Variants in SLITRK5 observed in about 807,000 individuals in gnomAD.
The protein encoded by SLITRK5 is SLIT and NTRK like family member 5, also known as SLIT and NTRK-like protein 5.
SLITRK5 carries 23 observed loss-of-function variants against 56.2 expected under a neutral mutation model. That is an observed-to-expected ratio of 0.41 (90% CI 0.29 to 0.58). SLITRK5 has a LOEUF of 0.58. Among genes scored for constraint, SLITRK5 ranks in the 20% least tolerant of loss-of-function variants. The pLI, the probability that SLITRK5 is intolerant of heterozygous loss-of-function variation, is 0.30. For missense variants in SLITRK5, 1,289 were observed against 1,226.6 expected (o/e 1.05, Z -0.76); for synonymous variants, 637 against 531.8 (o/e 1.20, Z -2.72).
At position 87,676,706 on chromosome 13, in the gene SLITRK5, C is replaced by T. The variant is rs1337290107; in HGVS notation, c.1318C>T (p.Leu440=). ...LEATGLDLLH[L]GNNRISMIQD... is the part of the protein sequence containing the mutation. ...GGCCACGGGGCTGGACCTCCTGCAC[C>T]TGGGGAATAACCGCATCTCGATGAT... The change falls in exon 2 of 2, where the codon CTG becomes TTG. Residue 440 remains leucine, a synonymous_variant. Transcript: ENST00000683689. 1 of 1,614,038 alleles carries T rather than the reference C, an allele frequency of 6.2e-7. No homozygotes were observed. Among genetic ancestry groups the T allele is most frequent in the Non-Finnish European group, 8.5e-7 (1 of 1,180,020 alleles).
intron 1 of SLITRK5, 74 bp from the exon 2 acceptor site, chr13:87,675,306 GA>G: frequency 9.5e-7 from 1 of 1,048,162 alleles, no homozygotes. Flanking sequence ...TGTTAAGAAA[GA>G]GAGAGACTTT....
chr13:87,675,422 C>A lies in SLITRK5; in HGVS notation c.34C>A (p.Gln12Lys), dbSNP rs1486843147. ...TTGCTGCCCCCCAGTAACTTTGGAA[C>A]AGGACCTTCACAGAAAAATGCATAG... ...HTCCPPVTLE[Q>K]DLHRKMHSWM... The change falls in exon 2 of 2, where the codon CAG (glutamine) becomes AAG (lysine). Residue 12 changes from glutamine (Q) to lysine (K), a missense_variant. Physicochemically the swap from Gln to Lys is moderately conservative, Grantham distance 53 (BLOSUM62 1). This residue lies in a region of SLITRK5 where 291 missense variants were observed against 286.7 expected (regional missense o/e 1.02). Coordinates refer to ENST00000683689, the MANE Select transcript of SLITRK5 (RefSeq NM_001384609.1). 5 of 1,614,180 alleles carry A rather than the reference C, an allele frequency of 3.1e-6. No individual in the cohort carries two copies. Among genetic ancestry groups the A allele is most frequent in the East Asian group, 2.2e-5 (1 of 44,882 alleles).
rs536374716 is a variant in SLITRK5, at chr13:87,679,140, A to AT, written c.*878dup. ...TTTTCAATCATTCAAAATGTGGAGAATTTAATGGCTAAATCTTTAAAAGCC... is the reference window on the plus strand; with the variant it reads ...TTTTCAATCATTCAAAATGTGGAGAATTTTAATGGCTAAATCTTTAAAAGCC... On this transcript the variant is annotated 3_prime_UTR_variant, in exon 2 of 2. Coordinates refer to ENST00000683689, the MANE Select transcript of SLITRK5 (RefSeq NM_001384609.1). 1.7e-4 allele frequency: 29 copies of AT among 166,896 alleles called. 1 individual carries two copies. The highest frequency in any genetic ancestry group is 3.8e-4 in the Non-Finnish European group (26 of 68,106). 10.3% of individuals were successfully genotyped at this position (166,896 alleles called of 1,614,324 possible).
rs767564737 is a variant in SLITRK5 at position 87,677,431 on chromosome 13, C to T, written c.2043C>T (p.Ala681=). ...TTTTCATCATGTCCGTCTTCGTGGC[C>T]GCCGGGCTCTTCGTGCTGGTCATGA... The part of the protein sequence containing the change: ...LLVFIMSVFV[A]AGLFVLVMKR... Residue 681 remains alanine, a synonymous_variant, in exon 2 of 2, where the codon GCC becomes GCT. Coordinates refer to ENST00000683689, the MANE Select transcript of SLITRK5 (RefSeq NM_001384609.1). This position sits in a 1 kb window ranked among gnomAD's most constrained non-coding sequence, Gnocchi z 4.7. The T allele has an allele frequency of 2.5e-6, 4 of 1,613,396 alleles. No individual in the cohort carries two copies. The South Asian group carries it at 4.4e-5, about 18-fold the overall frequency.
rs769144938 is a variant in SLITRK5, at chr13:87,677,540, G to C, written c.2152G>C (p.Gly718Arg). ...CTTTAACATGCAGTACAGCGTGTAC[G>C]GCGGCGGCGGCGGCACGGGCGGCCA... ...SSFNMQYSVY[G>R]GGGGTGGHPH... Residue 718 changes from glycine (G) to arginine (R), a missense_variant, in exon 2 of 2, where the codon GGC (glycine) becomes CGC (arginine). This residue lies in a region of SLITRK5 where 985 missense variants were observed against 906.0 expected (regional missense o/e 1.09). Transcript: ENST00000683689. This position sits in a 1 kb window ranked among gnomAD's most constrained non-coding sequence, Gnocchi z 4.7. The C allele has an allele frequency of 6.3e-6, 10 of 1,596,556 alleles. No homozygotes were observed. The highest frequency in any genetic ancestry group is 7.7e-6 in the Non-Finnish European group (9 of 1,170,078).
chr13:87,672,191 C>T lies in SLITRK5; in HGVS notation c.-27C>T, dbSNP rs1018375398. 1.3e-5 allele frequency among the ~76,000 whole-genome samples: 2 copies of T among 151,964 alleles called. No individual in the cohort carries two copies. Among genetic ancestry groups the T allele is most frequent in the African/African-American group, 2.4e-5 (1 of 41,396 alleles). ...CACAGCTGGGTCGGAGAAAGTTGCC[C>T]CCTATGCAGATGGCAACTGTGAGTA... On this transcript the variant is annotated 5_prime_UTR_variant, in exon 1 of 2. Coordinates refer to ENST00000683689, the MANE Select transcript of SLITRK5 (RefSeq NM_001384609.1).
In SLITRK5 at chr13:87,678,151, T is replaced by A. The variant is rs1007182391; in HGVS notation, c.2763T>A (p.Ser921Arg). The change falls in exon 2 of 2, where the codon AGT (serine) becomes AGA (arginine). Residue 921 changes from serine to arginine, a missense_variant. Around this residue, in one of 3 missense-constraint regions of SLITRK5, gnomAD observed 985 missense variants for 906.0 expected, o/e 1.09. Coordinates refer to ENST00000683689, the MANE Select transcript of SLITRK5 (RefSeq NM_001384609.1). ...LREPVLYSPP[S>R]AVFVEPNRNE... Reference sequence around the variant, plus strand: ...AACCGGTGCTCTACAGCCCCCCGAGTGCTGTCTTTGTAGAACCCAACCGGA... The same window carrying A: ...AACCGGTGCTCTACAGCCCCCCGAGAGCTGTCTTTGTAGAACCCAACCGGA... 9.3e-6 allele frequency: 15 copies of A among 1,613,984 alleles called. No homozygotes were observed. The highest frequency in any genetic ancestry group is 1.3e-5 in the Non-Finnish European group (15 of 1,180,010).
chr13:87,677,229 A>T lies in SLITRK5; in HGVS notation c.1841A>T (p.Asp614Val). ...ATTAAGTCGGAGCTGCTGTGCCCTG[A>T]CTATTCAGATGTAGTAGTTTCCACG... ...RSIKSELLCPDYSDVVVSTPT... is the reference protein window; with the variant it reads ...RSIKSELLCPVYSDVVVSTPT... The change falls in exon 2 of 2, where the codon GAC (aspartate) becomes GTC (valine). Residue 614 changes from aspartate (D) to valine (V), a missense_variant. By Grantham distance (152) the Asp-to-Val change is radical (BLOSUM62 -3). This residue lies in a region of SLITRK5 where 985 missense variants were observed against 906.0 expected (regional missense o/e 1.09). Transcript: ENST00000683689. This position sits in a 1 kb window ranked among gnomAD's most constrained non-coding sequence, Gnocchi z 4.7. The T allele has an allele frequency of 6.2e-7, 1 of 1,614,122 alleles. No homozygotes were observed. The highest frequency in any genetic ancestry group is 1.3e-5 in the African/African-American group (1 of 75,018).
At chr13:87,674,646 C>G (rs143271372) in intron 1 of SLITRK5, among the ~76,000 whole-genome samples, 140 of 152,216 alleles carry the variant, frequency 9.2e-4, no homozygotes, top group African/African-American at 3.3e-3. Flanking sequence ...TAAGTGGTAC[C>G]GTGCATGCAA....
intron 1 of SLITRK5, 33 bp from the exon 2 acceptor site, chr13:87,675,348 C>G (rs771957283): frequency 7.9e-6 from 12 of 1,520,316 alleles, no homozygotes; most frequent in Non-Finnish European, 1.1e-5. Context: ...TTGTCATATT[C>G]TGTTATTTCC....
At position 87,671,666 on chromosome 13, in the gene SLITRK5, A is replaced by T. The variant is rs1466172621; in HGVS notation, c.-552A>T. On this transcript the variant is annotated 5_prime_UTR_variant, in exon 1 of 2. Transcript: ENST00000683689. The stretch of plus-strand genomic sequence containing the variant: ...AGAAACCCCAAAGGATGTCGGTGAT[A>T]GAGAGTTCCAACTAATGACGATTGT... Among the ~76,000 whole-genome samples the T allele has an allele frequency of 6.6e-6, 1 of 151,826 alleles. No individual in the cohort carries two copies. Among genetic ancestry groups the T allele is most frequent in the Non-Finnish European group, 1.5e-5 (1 of 67,930 alleles).
Position 87,676,028 on chromosome 13 carries a change from C to T in SLITRK5, c.640C>T (p.Leu214Phe). 2.5e-6 allele frequency: 4 copies of T among 1,614,168 alleles called. No individual in the cohort carries two copies. Among genetic ancestry groups the T allele is most frequent in the South Asian group, 1.1e-5 (1 of 91,078 alleles). Residue 214 changes from leucine (L) to phenylalanine (F), a missense_variant, in exon 2 of 2, where the codon CTT becomes TTT. Coordinates refer to ENST00000683689, the MANE Select transcript of SLITRK5 (RefSeq NM_001384609.1). ...GGACCTCCGGGGGAACCGGCTGAAA[C>T]TTCTGCCCTACGTGGGGCTCTTGCA... ...HLDLRGNRLK[L>F]LPYVGLLQHM...
chr13:87,676,922 T>C lies in SLITRK5; in HGVS notation c.1534T>C (p.Leu512=), dbSNP rs1877302876. 1 of 1,614,108 alleles carries C rather than the reference T, an allele frequency of 6.2e-7. No homozygotes were observed. The highest frequency in any genetic ancestry group is 8.5e-7 in the Non-Finnish European group (1 of 1,179,984). ...DPVPNLQLLF[L]NNNLLQAMPS... is the part of the protein sequence containing the mutation. Reference sequence around the variant, plus strand: ...GGTCCCAAACCTCCAGCTGCTATTCTTGAATAACAACCTCCTGCAGGCCAT... The same window carrying C: ...GGTCCCAAACCTCCAGCTGCTATTCCTGAATAACAACCTCCTGCAGGCCAT... Residue 512 remains leucine (L), a synonymous_variant, in exon 2 of 2, where the codon TTG becomes CTG. Transcript: ENST00000683689.
chr13:87,675,743 G>C lies in SLITRK5; in HGVS notation c.355G>C (p.Asp119His). 1.2e-6 allele frequency: 2 copies of C among 1,614,090 alleles called. No homozygotes were observed. The highest frequency in any genetic ancestry group is 1.7e-6 in the Non-Finnish European group (2 of 1,180,014). The change falls in exon 2 of 2, where the codon GAC (aspartate) becomes CAC (histidine). Residue 119 changes from aspartate (D) to histidine (H), a missense_variant. Asp to His is a moderately conservative substitution (Grantham distance 81). Coordinates refer to ENST00000683689, the MANE Select transcript of SLITRK5 (RefSeq NM_001384609.1). Reference sequence around the variant, plus strand: ...GCATCTAGGTAGCAATGTTATCCAGGACATTGAGACCGGGGCTTTCCATGG... The same window carrying C: ...GCATCTAGGTAGCAATGTTATCCAGCACATTGAGACCGGGGCTTTCCATGG... Reference protein sequence around the residue: ...ILHLGSNVIQDIETGAFHGLR... With the variant: ...ILHLGSNVIQHIETGAFHGLR...
chr13:87,674,292 A>C, intron 1 of SLITRK5: 1 of 583,874 alleles, frequency 1.7e-6, no homozygotes, highest in Non-Finnish European at 2.2e-6. Flanking sequence ...AAAAAGAGAG[A>C]GGGGAGCGTT....
At chr13:87,674,389 T>G (rs1423649097) in intron 1 of SLITRK5, 2 of 985,174 alleles carry the variant, frequency 2.0e-6, no homozygotes, top group African/African-American at 3.5e-5. Flanking sequence ...CCGTTGCAAA[T>G]AGACGCGGAG....
rs147101174 is a variant in SLITRK5, at chr13:87,677,411, A to G, written c.2023A>G (p.Ile675Val). ...VLILSLLLVF[I>V]MSVFVAAGLF... ...AATTCTCAGCCTCCTGCTGGTTTTCATCATGTCCGTCTTCGTGGCCGCCGG... is the reference window on the plus strand; with the variant it reads ...AATTCTCAGCCTCCTGCTGGTTTTCGTCATGTCCGTCTTCGTGGCCGCCGG... The change falls in exon 2 of 2, where the codon ATC becomes GTC. Residue 675 changes from isoleucine (I) to valine (V), a missense_variant. Coordinates refer to ENST00000683689, the MANE Select transcript of SLITRK5 (RefSeq NM_001384609.1). This position sits in a 1 kb window ranked among gnomAD's most constrained non-coding sequence, Gnocchi z 4.7. 9 of 1,613,618 alleles carry G rather than the reference A, an allele frequency of 5.6e-6. No homozygotes were observed. Among genetic ancestry groups the G allele is most frequent in the East Asian group, 2.2e-5 (1 of 44,812 alleles).
At chr13:87,673,874 C>A (rs1444280393) in intron 1 of SLITRK5, among the ~76,000 whole-genome samples, 1 of 151,940 alleles carries the variant, frequency 6.6e-6, no homozygotes, top group Non-Finnish European at 1.5e-5. Context: ...AGTTGCAATT[C>A]GATATTAGAC....
At position 87,675,625 on chromosome 13, in the gene SLITRK5, C is replaced by T. The variant is rs374083775; in HGVS notation, c.237C>T (p.Pro79=). 12 of 1,614,050 alleles carry T rather than the reference C, an allele frequency of 7.4e-6. No individual in the cohort carries two copies. The highest frequency in any genetic ancestry group is 1.0e-5 in the Non-Finnish European group (12 of 1,180,048). ...TCAGTCTCTCTGAAATTAGCCCTCC[C>T]CGTTTCCCAATCTACCACCTCTTGT... ...GIISLSEISP[P]RFPIYHLLLS... The change falls in exon 2 of 2, where the codon CCC becomes CCT. Residue 79 remains proline (P), a synonymous_variant. Coordinates refer to ENST00000683689, the MANE Select transcript of SLITRK5 (RefSeq NM_001384609.1).
Sources: gnomAD v4.1 joint callset for allele counts (sites outside exome capture counted in the v4.1 genomes callset) on GRCh38, gnomAD v4.1.1 for gene constraint, gnomAD v4.1.1 regional missense constraint, Gnocchi (gnomAD v3.1) non-coding constraint, MANE v1.5 for transcripts, NCBI Gene and HGNC (gene_info 2026-07-23, HGNC 2026-07-21) for gene names.